Variants in ZBTB34 observed in about 807,000 individuals in gnomAD.
ZBTB34 encodes the protein zinc finger and BTB domain-containing protein 34.
ZBTB34 carries 1 observed loss-of-function variant against 33.4 expected under a neutral mutation model. The ratio of observed to expected loss-of-function variants is 0.03; its 90% CI spans 0.01 to 0.14. ZBTB34 has a LOEUF of 0.14. ZBTB34 is among the 10% of genes least tolerant of loss of function. The pLI, the probability that ZBTB34 is intolerant of heterozygous loss-of-function variation, is 1.00. For missense variants in ZBTB34, 406 were observed against 657.2 expected, an observed-to-expected ratio of 0.62 and a Z score of 4.18; for synonymous variants, 283 against 253.5, an observed-to-expected ratio of 1.12 and a Z score of -1.11.
At position 126,880,356 on chromosome 9, in the gene ZBTB34, C is replaced by T. The variant is rs1234878852; in HGVS notation, c.957C>T (p.Phe319=). Residue 319 remains phenylalanine, a synonymous_variant, in exon 2 of 2, where the codon TTC becomes TTT. Transcript: ENST00000319119. This position sits in a 1 kb window ranked among gnomAD's most constrained non-coding sequence, Gnocchi z 6.7. ...CATCCAGGTCCATGCTGAGCTGTTT[C>T]CGAGGAGGGCGTGCCCGCCAGAAGC... 1.9e-6 allele frequency: 3 copies of T among 1,613,908 alleles called. No homozygotes were observed. Among genetic ancestry groups the T allele is most frequent in the Middle Eastern group, 3.3e-4 (2 of 6,062 alleles).
At position 126,880,232 on chromosome 9, in the gene ZBTB34, C is replaced by T. The variant is rs768154356; in HGVS notation, c.833C>T (p.Ser278Phe). ...CAAGTTGTGGCAGTGAATGTGGGCTCCTATGGTTCTGTGCTCCAGCACGCA... is the reference window on the plus strand; with the variant it reads ...CAAGTTGTGGCAGTGAATGTGGGCTTCTATGGTTCTGTGCTCCAGCACGCA... The change falls in exon 2 of 2, where the codon TCC becomes TTC. Residue 278 changes from serine (S) to phenylalanine (F), a missense_variant. Coordinates refer to ENST00000319119, the Ensembl canonical transcript of ZBTB34. The surrounding 1 kb of genome is among the most constrained non-coding windows in gnomAD (Gnocchi z 6.7). 4.3e-6 allele frequency: 7 copies of T among 1,613,842 alleles called. No individual in the cohort carries two copies. The highest frequency in any genetic ancestry group is 1.7e-5 in the Admixed American group (1 of 60,008).
chr9:126,869,114 A>T (rs2033245621), intron 1 of ZBTB34, among the ~76,000 whole-genome samples: 1 of 152,080 alleles, frequency 6.6e-6, no homozygotes, highest in Admixed American at 6.5e-5. Context: ...TGCAGATGTA[A>T]TCTTGATGGA....
At chr9:126,863,866 A>G (rs906713207) in intron 1 of ZBTB34, among the ~76,000 whole-genome samples, 1 of 152,250 alleles carries the variant, frequency 6.6e-6, no homozygotes, top group African/African-American at 2.4e-5. Flanking sequence ...TTTATCTGAA[A>G]CAAATCCTCT....
intron 1 of ZBTB34, among the ~76,000 whole-genome samples, chr9:126,878,487 A>G (rs970916048): frequency 2.0e-5 from 3 of 151,878 alleles, no homozygotes; most frequent in Non-Finnish European, 4.4e-5. Flanking sequence ...AAAAAAAGTA[A>G]TAATAACTCT....
In ZBTB34 at chr9:126,865,933, C is replaced by T. The variant is rs574606843; in HGVS notation, c.-11+5194C>T. ...CTGGGTGGCGGAGGTTACAGTGAGC[C>T]GAGATTGCACCACTGCACTCCAGCC... On this transcript the variant is annotated intron_variant, in intron 1 of 1. Coordinates refer to ENST00000319119, the Ensembl canonical transcript of ZBTB34. Among the ~76,000 whole-genome samples the T allele has an allele frequency of 2.6e-5, 4 of 152,196 alleles. No individual in the cohort carries two copies. The South Asian group carries it at 6.2e-4, about 24-fold the overall frequency.
exon 2 of ZBTB34, chr9:126,884,992 A>G (rs2033501218): frequency 6.0e-6 from 1 of 167,016 alleles, no homozygotes; most frequent in Non-Finnish European, 1.5e-5. Context: ...TAAATTTTAT[A>G]TATGAAAGTA....
Position 126,866,829 on chromosome 9 carries a change from A to G in ZBTB34, c.-11+6090A>G, listed in dbSNP as rs144625591. On this transcript the variant is annotated intron_variant, in intron 1 of 1. Transcript: ENST00000319119. ...GTGATTTTTTAAATGCAAAGGTATAAAATAAAGTCTGTTTCCCTTCCCTCT... is the reference window on the plus strand; with the variant it reads ...GTGATTTTTTAAATGCAAAGGTATAGAATAAAGTCTGTTTCCCTTCCCTCT... Among the ~76,000 whole-genome samples the G allele has an allele frequency of 2.5e-3, 378 of 152,294 alleles. 2 individuals are homozygous for G. Among genetic ancestry groups the G allele is most frequent in the African/African-American group, 8.6e-3 (359 of 41,556 alleles).
At position 126,861,848 on chromosome 9, in the gene ZBTB34, C is replaced by G. The variant is rs187110291; in HGVS notation, c.-11+1109C>G. Reference sequence around the variant, plus strand: ...ACAGCTTCTAAGCTGGTCGCTGACTCCAGAGGTTCCCCCCTCCCCCATCCT... The same window carrying G: ...ACAGCTTCTAAGCTGGTCGCTGACTGCAGAGGTTCCCCCCTCCCCCATCCT... On this transcript the variant is annotated intron_variant, in intron 1 of 1. Coordinates refer to ENST00000319119, the Ensembl canonical transcript of ZBTB34. Among the ~76,000 whole-genome samples the G allele has an allele frequency of 2.3e-3, 354 of 152,262 alleles. 1 individual carries two copies. Among genetic ancestry groups the G allele is most frequent in the South Asian group, 2.1e-3 (10 of 4,822 alleles).
chr9:126,879,487 C>T lies in ZBTB34; in HGVS notation c.88C>T (p.Arg30Cys). 6.2e-7 allele frequency: 1 copy of T among 1,613,932 alleles called. No individual in the cohort carries two copies. Residue 30 changes from arginine to cysteine, a missense_variant, in exon 2 of 2, where the codon CGC becomes TGC. This residue lies in a region of ZBTB34 where 50 missense variants were observed against 157.9 expected (regional missense o/e 0.32). Coordinates refer to ENST00000319119, the Ensembl canonical transcript of ZBTB34. This position sits in a 1 kb window ranked among gnomAD's most constrained non-coding sequence, Gnocchi z 6.4. Reference sequence around the variant, plus strand: ...CGTTCTGAGCCAGCTAAACGAACTCCGCCTGCAGGGGAAACTATGTGACAT... The same window carrying T: ...CGTTCTGAGCCAGCTAAACGAACTCTGCCTGCAGGGGAAACTATGTGACAT...
chr9:126,866,660 G>A (rs2033205772), intron 1 of ZBTB34, among the ~76,000 whole-genome samples: 1 of 151,804 alleles, frequency 6.6e-6, no homozygotes, highest in South Asian at 2.1e-4. Context: ...CTTCGTTTCT[G>A]CCTTTATAAC....
chr9:126,863,754 A>G (rs2033168886), intron 1 of ZBTB34: 2 of 983,198 alleles, frequency 2.0e-6, no homozygotes, highest in Non-Finnish European at 2.4e-6. Flanking sequence ...GCAGGACTTA[A>G]TGTATTTTCC....
rs1034620675 is a variant in ZBTB34, at chr9:126,879,138, T to C, written c.-10-252T>C. ...AGTCAGAGCCAAAATAGTCCTACTA[T>C]GTGTAAAATATTTTACTTTTGATCA... On this transcript the variant is annotated intron_variant, in intron 1 of 1. Transcript: ENST00000319119. The surrounding 1 kb of genome is among the most constrained non-coding windows in gnomAD (Gnocchi z 6.4). Among the ~76,000 whole-genome samples the C allele has an allele frequency of 1.2e-4, 19 of 152,254 alleles. No individual in the cohort carries two copies. Among genetic ancestry groups the C allele is most frequent in the African/African-American group, 4.6e-4 (19 of 41,502 alleles).
chr9:126,867,496 A>T (rs1588385228), intron 1 of ZBTB34, among the ~76,000 whole-genome samples: 1 of 92,118 alleles, frequency 1.1e-5, no homozygotes, highest in Non-Finnish European at 2.3e-5. Context: ...ATTCTCCCAT[A>T]GGGGTTTTTT....
rs2033407780 is a variant in ZBTB34 at position 126,879,715 on chromosome 9, T to G, written c.316T>G (p.Phe106Val). ...CTTGCAGCTGAAGGATGTTGTCAGTTTTCTGACTGCAGCCAGCTTTCTTCA... is the reference window on the plus strand; with the variant it reads ...CTTGCAGCTGAAGGATGTTGTCAGTGTTCTGACTGCAGCCAGCTTTCTTCA... The change falls in exon 2 of 2, where the codon TTT becomes GTT. Residue 106 changes from phenylalanine (F) to valine (V), a missense_variant. Physicochemically the swap from Phe to Val is conservative, Grantham distance 50 (BLOSUM62 -1). This residue lies in a region of ZBTB34 where 50 missense variants were observed against 157.9 expected (regional missense o/e 0.32). Coordinates refer to ENST00000319119, the Ensembl canonical transcript of ZBTB34. The surrounding 1 kb of genome is among the most constrained non-coding windows in gnomAD (Gnocchi z 6.4). 6.2e-7 allele frequency: 1 copy of G among 1,613,436 alleles called. No individual in the cohort carries two copies. Among genetic ancestry groups the G allele is most frequent in the Non-Finnish European group, 8.5e-7 (1 of 1,179,888 alleles).
exon 2 of ZBTB34, chr9:126,881,052 A>T (rs2033433680): frequency 1.0e-6 from 1 of 1,002,964 alleles, no homozygotes; most frequent in South Asian, 1.7e-5. Flanking sequence ...TCTGGATGGA[A>T]CACTTCGTTG....
intron 1 of ZBTB34, among the ~76,000 whole-genome samples, chr9:126,873,673 C>T (rs888477885): frequency 6.6e-6 from 1 of 151,824 alleles, no homozygotes; most frequent in Non-Finnish European, 1.5e-5. Context: ...GGTGCGATCT[C>T]GGCTCACTGC....
intron 1 of ZBTB34, among the ~76,000 whole-genome samples, chr9:126,873,731 A>C (rs2119220356): frequency 6.6e-6 from 1 of 151,942 alleles, no homozygotes; most frequent in South Asian, 2.1e-4. Flanking sequence ...CGGCCTCCCG[A>C]GTAGCTGGAA....
At chr9:126,881,871 C>T (rs538508396) in exon 2 of ZBTB34, 125 of 166,916 alleles carry the variant, frequency 7.5e-4, no homozygotes, top group African/African-American at 2.7e-3. Context: ...GAATCACTCT[C>T]TATCATGAGT....
exon 2 of ZBTB34, chr9:126,882,541 TG>T (rs2033456454): frequency 6.0e-6 from 1 of 167,094 alleles, no homozygotes; most frequent in African/African-American, 2.4e-5. Context: ...AGAGTAATTT[TG>T]TAGGCAGTTT....
Sources: allele counts gnomAD v4.1 joint callset (sites outside exome capture counted in the v4.1 genomes callset), GRCh38; gene constraint gnomAD v4.1.1; regional missense constraint gnomAD v4.1.1; non-coding constraint Gnocchi (gnomAD v3.1); transcripts MANE v1.5; gene names NCBI Gene and HGNC (gene_info 2026-07-23, HGNC 2026-07-21).